The following UGT1A8 variants were observed in gnomAD, a reference collection of about 807,000 sequenced individuals.
UGT1A8 encodes the protein UDP-glucuronosyltransferase 1A8.
A neutral mutation model predicts 45.3 loss-of-function variants in UGT1A8; 39 were observed. That is an observed-to-expected ratio of 0.86 (90% CI 0.67 to 1.12). The LOEUF (loss-of-function observed/expected upper bound fraction) is 1.12. UGT1A8 is among the 50% of genes most tolerant of loss of function. The pLI is 0.00. For synonymous variants in UGT1A8, 275 were observed against 249.2 expected, an observed-to-expected ratio of 1.10 and a Z score of -0.97; for missense variants, 719 against 664.9, an observed-to-expected ratio of 1.08 and a Z score of -0.90.
At chr2:233,766,011 C>T (rs921466084) in intron 1 of UGT1A8, among the ~76,000 whole-genome samples, 4 of 152,188 alleles carry the variant, frequency 2.6e-5, no homozygotes, top group African/African-American at 9.6e-5. Context: ...TGGGTTATGG[C>T]CTTCTTTTAG....
intron 1 of UGT1A8, among the ~76,000 whole-genome samples, chr2:233,620,076 C>A (rs993420880): frequency 6.6e-6 from 1 of 152,092 alleles, no homozygotes; most frequent in African/African-American, 2.4e-5. Flanking sequence ...GTCTATTGTT[C>A]TGGCTTCTTA....
Position 233,639,724 on chromosome 2 carries a change from T to C in UGT1A8, c.855+21162T>C, listed in dbSNP as rs45535236. On this transcript the variant is annotated intron_variant, in intron 1 of 4. Coordinates refer to ENST00000373450, the MANE Select transcript of UGT1A8 (RefSeq NM_019076.5). ...TCCAGGAGAATTACAGCCAGGGATG[T>C]AATTAAATACTTTAACAATGATGGC... Among the ~76,000 whole-genome samples, 167 of 152,328 alleles carry C rather than the reference T, an allele frequency of 1.1e-3. 1 individual carries two copies. Among genetic ancestry groups the C allele is most frequent in the African/African-American group, 3.9e-3 (162 of 41,578 alleles).
chr2:233,723,875 G>A (rs1353661197), intron 1 of UGT1A8, among the ~76,000 whole-genome samples: 1 of 40,312 alleles, frequency 2.5e-5, no homozygotes, highest in Non-Finnish European at 4.2e-5. Context: ...AGGATCCCAA[G>A]GCAGAGGAAT....
At position 233,617,914 on chromosome 2, in the gene UGT1A8, A is replaced by T; in HGVS notation, c.207A>T (p.Ser69=). ...AGGTGAGTTGGCAACTGGGAAAATC[A>T]CTGAATTGCACAGTGAAGACTTACT... ...MPEVSWQLGK[S]LNCTVKTYST... Residue 69 remains serine (S), a synonymous_variant, in exon 1 of 5, where the codon TCA becomes TCT. Transcript: ENST00000373450. 3 of 1,614,150 alleles carry T rather than the reference A, an allele frequency of 1.9e-6. No homozygotes were observed. Among genetic ancestry groups the T allele is most frequent in the Non-Finnish European group, 2.5e-6 (3 of 1,180,018 alleles).
At chr2:233,626,460 A>T (rs1371655600) in intron 1 of UGT1A8, among the ~76,000 whole-genome samples, 1 of 152,078 alleles carries the variant, frequency 6.6e-6, no homozygotes, top group Non-Finnish European at 1.5e-5. Context: ...GAAACACTTT[A>T]TCCCCCACCT....
At chr2:233,637,476 A>C in intron 1 of UGT1A8, 1 of 1,498,470 alleles carries the variant, frequency 6.7e-7, no homozygotes, top group East Asian at 2.3e-5. Flanking sequence ...CGTTTGTTGC[A>C]TTTCAAATTT....
intron 1 of UGT1A8, among the ~76,000 whole-genome samples, chr2:233,679,775 C>T (rs535392626): frequency 6.6e-6 from 1 of 152,094 alleles, no homozygotes; most frequent in African/African-American, 2.4e-5. Flanking sequence ...ATTAAATTCT[C>T]CAGTTTTAGA....
chr2:233,754,883 G>A (rs762017567), intron 1 of UGT1A8: 29 of 1,351,538 alleles, frequency 2.1e-5, no homozygotes, highest in East Asian at 4.6e-5. Context: ...TGCTTCCCAG[G>A]GAGTTCCTCT....
At chr2:233,739,371 G>C (rs1691070576) in intron 1 of UGT1A8, among the ~76,000 whole-genome samples, 1 of 152,184 alleles carries the variant, frequency 6.6e-6, no homozygotes. Flanking sequence ...AGCTTGCACT[G>C]TGTGCCTGGA....
intron 1 of UGT1A8, among the ~76,000 whole-genome samples, chr2:233,679,236 C>T (rs995916387): frequency 2.0e-5 from 3 of 152,156 alleles, no homozygotes; most frequent in South Asian, 2.1e-4. Flanking sequence ...GGTCCAATAT[C>T]GAAAGAACTT....
intron 1 of UGT1A8, among the ~76,000 whole-genome samples, chr2:233,656,672 T>C (rs1321301196): frequency 6.6e-6 from 1 of 152,096 alleles, no homozygotes; most frequent in South Asian, 2.1e-4. Context: ...CTAAAGTGGG[T>C]CAGTTGTGTT....
At chr2:233,635,637 A>G (rs570772348) in intron 1 of UGT1A8, among the ~76,000 whole-genome samples, 21 of 151,022 alleles carry the variant, frequency 1.4e-4, no homozygotes, top group African/African-American at 5.1e-4. Context: ...TCAAAGGCAA[A>G]GCATGGCTAC....
At chr2:233,647,946 C>T in intron 1 of UGT1A8, 2 of 1,606,462 alleles carry the variant, frequency 1.2e-6, no homozygotes, top group Non-Finnish European at 1.7e-6. Flanking sequence ...ATGGGAGCCA[C>T]TGGTTCACCA....
intron 1 of UGT1A8, chr2:233,755,161 C>A (rs1553619056): frequency 1.5e-6 from 2 of 1,292,236 alleles, no homozygotes; most frequent in East Asian, 4.6e-5. Context: ...TCCCTGTCCT[C>A]GGGGTTTTTG....
At chr2:233,743,713 A>C in intron 1 of UGT1A8, 1 of 1,367,332 alleles carries the variant, frequency 7.3e-7, no homozygotes, top group Non-Finnish European at 9.8e-7. Flanking sequence ...CCGCCTCGCC[A>C]TAGCGGTCAT....
intron 1 of UGT1A8, chr2:233,718,695 C>T (rs2076675906): frequency 6.3e-7 from 1 of 1,592,520 alleles, no homozygotes; most frequent in South Asian, 1.1e-5. Flanking sequence ...TGGAGGAGGG[C>T]ACTTTGTCTT....
intron 1 of UGT1A8, among the ~76,000 whole-genome samples, chr2:233,697,158 A>G (rs1026412563): frequency 6.6e-6 from 1 of 152,018 alleles, no homozygotes; most frequent in Non-Finnish European, 1.5e-5. Flanking sequence ...AACTGGTATT[A>G]ATTCTTTTAA....
intron 1 of UGT1A8, among the ~76,000 whole-genome samples, chr2:233,756,565 C>T (rs1696262040): frequency 6.6e-6 from 1 of 152,126 alleles, no homozygotes; most frequent in East Asian, 1.9e-4. Context: ...GAGATCCTCT[C>T]AGACAAAAGG....
chr2:233,737,358 T>G (rs955996652), intron 1 of UGT1A8, among the ~76,000 whole-genome samples: 1 of 152,234 alleles, frequency 6.6e-6, no homozygotes, highest in African/African-American at 2.4e-5. Flanking sequence ...TGGGAGCTGC[T>G]AAGCCAGGCA....
Sources: gnomAD v4.1 joint callset for allele counts (sites outside exome capture counted in the v4.1 genomes callset) on GRCh38, gnomAD v4.1.1 for gene constraint, MANE v1.5 for transcripts, NCBI Gene and HGNC (gene_info 2026-07-23, HGNC 2026-07-21) for gene names.